The following TTC21B variants were observed in gnomAD, a reference collection of about 807,000 sequenced individuals.
The protein encoded by TTC21B is tetratricopeptide repeat protein 21B.
TTC21B carries 127 observed loss-of-function variants against 175.1 expected under a neutral mutation model. That is an observed-to-expected ratio of 0.73 (90% CI 0.63 to 0.84). The LOEUF is 0.84. Ranked by LOEUF, TTC21B falls within the 40% of genes least tolerant of loss-of-function variation. TTC21B has a pLI of 0.00. For missense variants in TTC21B, 1,561 were observed against 1,558.3 expected (o/e 1.00, Z -0.03); for synonymous variants, 524 against 524.5 (o/e 1.00, Z 0.01).
At chr2:165,925,951 C>T (rs1321434573) in intron 11 of TTC21B, among the ~76,000 whole-genome samples, 1 of 152,014 alleles carries the variant, frequency 6.6e-6, no homozygotes, top group Non-Finnish European at 1.5e-5. Context: ...TTGAGAACAA[C>T]CATCATTTTC....
In TTC21B at chr2:165,941,122, G is replaced by C; in HGVS notation, c.615C>G (p.Ile205Met). Reference protein sequence around the residue: ...SGALETVNQIIVNFPSFLPAF... With the variant: ...SGALETVNQIMVNFPSFLPAF... ...CAGGAAGGAAGCTCGGAAAATTCAC[G>C]ATTATCTGGTTCACAGTCTCCAGGG... The change falls in exon 6 of 29, where the codon ATC (isoleucine) becomes ATG (methionine). Residue 205 changes from isoleucine (I) to methionine (M), a missense_variant. Transcript: ENST00000243344. The C allele has an allele frequency of 6.2e-7, 1 of 1,613,818 alleles. No individual in the cohort carries two copies. Among genetic ancestry groups the C allele is most frequent in the Non-Finnish European group, 8.5e-7 (1 of 1,179,820 alleles).
At chr2:165,953,033 A>G (rs914543628) in intron 1 of TTC21B, among the ~76,000 whole-genome samples, 7 of 152,250 alleles carry the variant, frequency 4.6e-5, no homozygotes, top group Non-Finnish European at 7.3e-5. Flanking sequence ...TCCAGCTTCT[A>G]ATGGACATAC....
chr2:165,882,804 T>A (rs1158811905), intron 26 of TTC21B, among the ~76,000 whole-genome samples: 1 of 152,218 alleles, frequency 6.6e-6, no homozygotes, highest in Non-Finnish European at 1.5e-5. Flanking sequence ...AAATTGTATG[T>A]GCACTGAAAT....
chr2:165,880,608 T>A lies in TTC21B; in HGVS notation c.3805+71A>T. The stretch of plus-strand genomic sequence containing the variant: ...TTATTTTGTTTTGAAAAAAATCAAA[T>A]GCATTTAAATGAAAATTAATAAATA... On this transcript the variant is annotated intron_variant, in intron 27 of 28. Coordinates refer to ENST00000243344, the MANE Select transcript of TTC21B (RefSeq NM_024753.5). 3.3e-6 allele frequency: 5 copies of A among 1,530,530 alleles called. No individual in the cohort carries two copies. In the South Asian group the frequency reaches 5.7e-5, roughly 17 times the overall value. 94.8% of individuals were successfully genotyped at this position (1,530,530 alleles called of 1,614,324 possible). A position where few individuals can be genotyped will look rare whatever the true frequency, so the allele number is the denominator to read the frequency against.
In TTC21B at chr2:165,943,204, C is replaced by T. The variant is rs780083477; in HGVS notation, c.552+15G>A. 1.2e-6 allele frequency: 2 copies of T among 1,613,156 alleles called. No homozygotes were observed. The highest frequency in any genetic ancestry group is 2.2e-5 in the East Asian group (1 of 44,832). ...TATTTTGAAACATGATTTATTTACC[C>T]TAACTCCAACTCACCTTACCCAGCA... On this transcript the variant is annotated intron_variant, in intron 5 of 28. Transcript: ENST00000243344.
At chr2:165,900,892 C>CT (rs1277570885) in intron 20 of TTC21B, among the ~76,000 whole-genome samples, 1 of 147,506 alleles carries the variant, frequency 6.8e-6, no homozygotes, top group Non-Finnish European at 1.5e-5. Flanking sequence ...TTGTAATGTT[C>CT]TTTTTTCTTT....
At chr2:165,901,384 T>C (rs533102932) in intron 20 of TTC21B, among the ~76,000 whole-genome samples, 2 of 152,226 alleles carry the variant, frequency 1.3e-5, no homozygotes, top group Admixed American at 1.3e-4. Flanking sequence ...AGTGGCGCGA[T>C]CTTGGGTCAC....
chr2:165,944,717 C>G (rs1423728854), intron 4 of TTC21B, among the ~76,000 whole-genome samples: 2 of 152,106 alleles, frequency 1.3e-5, no homozygotes, highest in African/African-American at 2.4e-5. Flanking sequence ...CTCAAGTTAC[C>G]TCTCCAAGCT....
chr2:165,927,454 C>T (rs1686722272), intron 11 of TTC21B, among the ~76,000 whole-genome samples: 1 of 147,184 alleles, frequency 6.8e-6, no homozygotes. Context: ...ATCGCCATCA[C>T]CCAACCATGC....
chr2:165,883,063 A>G (rs956057143), intron 26 of TTC21B, among the ~76,000 whole-genome samples: 1 of 152,152 alleles, frequency 6.6e-6, no homozygotes, highest in Non-Finnish European at 1.5e-5. Flanking sequence ...TAAACGGTCC[A>G]TTTGTAATCT....
chr2:165,903,637 G>A (rs1036097107), intron 19 of TTC21B, among the ~76,000 whole-genome samples: 5 of 152,266 alleles, frequency 3.3e-5, no homozygotes, highest in Non-Finnish European at 5.9e-5. Flanking sequence ...AGAGGGCTAC[G>A]GAAATGCGGA....
intron 6 of TTC21B, chr2:165,933,896 A>T (rs1363724433): frequency 6.6e-6 from 1 of 152,128 alleles, no homozygotes; most frequent in Non-Finnish European, 1.5e-5. Context: ...CTATCAGTAC[A>T]AGAAGAATTT....
At chr2:165,912,809 A>G (rs563494038) in intron 16 of TTC21B, among the ~76,000 whole-genome samples, 185 bp from the exon 17 acceptor site, 2 of 152,350 alleles carry the variant, frequency 1.3e-5, no homozygotes, top group East Asian at 3.9e-4. Flanking sequence ...ATGGATAGGT[A>G]TAATTTATTA....
chr2:165,914,242 A>T (rs1645527254), intron 15 of TTC21B, among the ~76,000 whole-genome samples: 1 of 152,232 alleles, frequency 6.6e-6, no homozygotes, highest in African/African-American at 2.4e-5. Context: ...TTATTATCCC[A>T]GTTTTACAGA....
chr2:165,922,981 G>A (rs1440695614), intron 12 of TTC21B, among the ~76,000 whole-genome samples: 1 of 152,140 alleles, frequency 6.6e-6, no homozygotes, highest in Non-Finnish European at 1.5e-5. Context: ...TGAAGTAATT[G>A]AGGAATGGAA....
At chr2:165,900,360 T>C (rs574234394) in intron 20 of TTC21B, among the ~76,000 whole-genome samples, 3 of 152,354 alleles carry the variant, frequency 2.0e-5, no homozygotes, top group South Asian at 4.1e-4. Flanking sequence ...TTTTGCCGTT[T>C]ATCTGAAAAA....
At chr2:165,878,492 T>C (rs961304325) in intron 27 of TTC21B, among the ~76,000 whole-genome samples, 6 of 152,136 alleles carry the variant, frequency 3.9e-5, no homozygotes, top group Non-Finnish European at 8.8e-5. Context: ...TTTCCTCGTA[T>C]ATATTTAAGA....
At chr2:165,897,012 A>G (rs1685389328) in intron 22 of TTC21B, among the ~76,000 whole-genome samples, 1 of 152,148 alleles carries the variant, frequency 6.6e-6, no homozygotes, top group Admixed American at 6.5e-5. Flanking sequence ...TGCGGTGGTC[A>G]TCTTGAACCA....
intron 1 of TTC21B, among the ~76,000 whole-genome samples, chr2:165,953,210 G>A (rs1687813385): frequency 6.6e-6 from 1 of 152,206 alleles, no homozygotes; most frequent in Admixed American, 6.5e-5. Flanking sequence ...GAATGAGTCA[G>A]TGATAAACAG....
Sources: allele counts gnomAD v4.1 joint callset (sites outside exome capture counted in the v4.1 genomes callset), GRCh38; gene constraint gnomAD v4.1.1; transcripts MANE v1.5; gene names NCBI Gene and HGNC (gene_info 2026-07-23, HGNC 2026-07-21).